The following PCDHGB1 variants were observed in gnomAD, a reference collection of about 807,000 sequenced individuals.
PCDHGB1 encodes protocadherin gamma-B1.
Under a neutral mutation model 56.6 loss-of-function variants are expected in PCDHGB1, and 34 were observed. The observed-to-expected ratio is 0.60, with a 90% CI of 0.46 to 0.80. PCDHGB1 has a LOEUF of 0.80. Among genes scored for constraint, PCDHGB1 ranks in the 30% least tolerant of loss-of-function variants. The pLI is 0.00. For missense variants in PCDHGB1, 1,278 were observed against 1,204.6 expected, an observed-to-expected ratio of 1.06 and a Z score of -0.90; for synonymous variants, 561 against 505.9, an observed-to-expected ratio of 1.11 and a Z score of -1.46.
intron 1 of PCDHGB1, chr5:141,422,676 A>C (rs1245488589): frequency 6.2e-7 from 1 of 1,606,500 alleles, no homozygotes; most frequent in Admixed American, 1.7e-5. Flanking sequence ...CGGACAGCAA[A>C]CAGAATGCCC....
At chr5:141,480,584 G>A (rs1421730652) in intron 1 of PCDHGB1, among the ~76,000 whole-genome samples, 1 of 134,606 alleles carries the variant, frequency 7.4e-6, no homozygotes, top group Non-Finnish European at 1.6e-5. Context: ...AATAACTGCC[G>A]CTCTTCTGGT....
At chr5:141,359,917 CT>C in intron 1 of PCDHGB1, 1 of 436,538 alleles carries the variant, frequency 2.3e-6, no homozygotes, top group Non-Finnish European at 4.0e-6. Context: ...GTGCAGTTTC[CT>C]GAGAAAACCT....
At chr5:141,411,881 G>T (rs1299555823) in intron 1 of PCDHGB1, 2 of 152,114 alleles carry the variant, frequency 1.3e-5, no homozygotes, top group Middle Eastern at 3.2e-3. Flanking sequence ...ACATTTCTAA[G>T]AAATAAATGA....
At chr5:141,399,196 G>A (rs201540226) in intron 1 of PCDHGB1, 2 of 1,613,938 alleles carry the variant, frequency 1.2e-6, no homozygotes, top group Non-Finnish European at 1.7e-6. Flanking sequence ...GGAAAACGCG[G>A]TGCCTGGAAC....
chr5:141,438,641 C>CAT (rs2098042490), intron 1 of PCDHGB1, among the ~76,000 whole-genome samples: 2 of 79,354 alleles, frequency 2.5e-5, no homozygotes, highest in Non-Finnish European at 4.5e-5. Context: ...TATATACACA[C>CAT]ACACACACAC....
chr5:141,392,488 T>G, intron 1 of PCDHGB1: 1 of 203,312 alleles, frequency 4.9e-6, no homozygotes, highest in Non-Finnish European at 9.8e-6. Flanking sequence ...AACAAAGTAA[T>G]AAGCAAATGA....
intron 1 of PCDHGB1, among the ~76,000 whole-genome samples, chr5:141,483,522 C>G (rs557644901): frequency 9.3e-6 from 1 of 107,172 alleles, no homozygotes; most frequent in African/African-American, 3.9e-5. Flanking sequence ...TAGATCCTGA[C>G]TAAGGAAGCT....
intron 1 of PCDHGB1, chr5:141,478,265 G>C: frequency 1.2e-6 from 2 of 1,614,196 alleles, no homozygotes; most frequent in Non-Finnish European, 1.7e-6. Flanking sequence ...CATATTCAAA[G>C]TTTACAAGTG....
In PCDHGB1 at chr5:141,497,558, TA is replaced by T. The variant is rs543126612; in HGVS notation, c.2468+2694del. 6.7e-3 allele frequency among the ~76,000 whole-genome samples: 979 copies of T among 145,038 alleles called. 16 individuals carry two copies. Among genetic ancestry groups the T allele is most frequent in the African/African-American group, 0.024 (931 of 38,872 alleles). On this transcript the variant is annotated intron_variant, in intron 2 of 3. Coordinates refer to ENST00000523390, the MANE Select transcript of PCDHGB1 (RefSeq NM_018922.3). The stretch of plus-strand genomic sequence containing the variant: ...AACAAACCTTTTTTTTTTTTTTTTT[TA>T]GACAGAGTCTTGCTCTGTTGCCCAA...
chr5:141,420,826 C>G (rs1246534925), intron 1 of PCDHGB1, among the ~76,000 whole-genome samples: 1 of 152,216 alleles, frequency 6.6e-6, no homozygotes, highest in Non-Finnish European at 1.5e-5. Flanking sequence ...AATAATTACT[C>G]CTTTCGCAGG....
chr5:141,438,615 TATATATATATATATATATATAC>T (rs1275224820), intron 1 of PCDHGB1, among the ~76,000 whole-genome samples: 95 of 35,914 alleles, frequency 2.6e-3, no homozygotes, highest in East Asian at 8.4e-3. Flanking sequence ...TATATATATA[TATATATATATATATATATATAC>T]ACACACACAC....
intron 1 of PCDHGB1, chr5:141,370,166 G>T: frequency 2.2e-6 from 1 of 458,978 alleles, no homozygotes; most frequent in East Asian, 3.2e-5. Flanking sequence ...CTGCAGCAGA[G>T]GCGCCGGGTG....
intron 1 of PCDHGB1, chr5:141,383,110 A>G (rs754398892): frequency 1.9e-6 from 3 of 1,614,020 alleles, no homozygotes; most frequent in South Asian, 1.1e-5. Flanking sequence ...CTCCAGAGGT[A>G]GGACGCAGCT....
At chr5:141,495,356 C>A (rs889897990) in intron 2 of PCDHGB1, among the ~76,000 whole-genome samples, 3 of 152,222 alleles carry the variant, frequency 2.0e-5, no homozygotes, top group Non-Finnish European at 4.4e-5. Flanking sequence ...GGCAGCACAG[C>A]TGGAGGTGGA....
At chr5:141,363,766 C>T (rs532729519) in intron 1 of PCDHGB1, among the ~76,000 whole-genome samples, 1 of 152,236 alleles carries the variant, frequency 6.6e-6, no homozygotes, top group South Asian at 2.1e-4. Context: ...TGCAAATAAG[C>T]ACGTTTTCCT....
In PCDHGB1 at chr5:141,489,950, A is replaced by C. The variant is rs1055715796; in HGVS notation, c.2410-4857A>C. 1 of 1,614,192 alleles carries C rather than the reference A, an allele frequency of 6.2e-7. No homozygotes were observed. The highest frequency in any genetic ancestry group is 1.3e-5 in the African/African-American group (1 of 75,060). ...TCTGTCATCGTGCTGGACATCAATG[A>C]TAATGCTCCAACCTTCCAATCCTCA... is the stretch of plus-strand genomic sequence containing the variant. On this transcript the variant is annotated intron_variant, in intron 1 of 3. Coordinates refer to ENST00000523390, the MANE Select transcript of PCDHGB1 (RefSeq NM_018922.3). The surrounding 1 kb of genome is among the most constrained non-coding windows in gnomAD (Gnocchi z 4.5).
chr5:141,350,803 A>G lies in PCDHGB1; in HGVS notation c.543A>G (p.Glu181=), dbSNP rs776584739. Residue 181 remains glutamate (E), a synonymous_variant, in exon 1 of 4, where the codon GAA becomes GAG. Transcript: ENST00000523390. ...AATACTTCTCTCTGTCAACGAAGGA[A>G]AGTCCTGATGGAAGTAAATATCCGG... ...PNQYFSLSTK[E]SPDGSKYPVL... is the part of the protein sequence containing the mutation. 21 of 1,613,898 alleles carry G rather than the reference A, an allele frequency of 1.3e-5. No individual in the cohort carries two copies.
chr5:141,415,161 C>T (rs1391561235), intron 1 of PCDHGB1: 1 of 1,613,864 alleles, frequency 6.2e-7, no homozygotes, highest in Admixed American at 1.7e-5. Context: ...CCGCCACTGT[C>T]ACGCTCACCG....
chr5:141,394,860 G>A, intron 1 of PCDHGB1: 1 of 1,613,792 alleles, frequency 6.2e-7, no homozygotes, highest in African/African-American at 1.3e-5. Flanking sequence ...GCCTTCGGTC[G>A]ACCCGAACGA....
Sources: gnomAD v4.1 joint callset for allele counts (sites outside exome capture counted in the v4.1 genomes callset) on GRCh38, gnomAD v4.1.1 for gene constraint, Gnocchi (gnomAD v3.1) non-coding constraint, MANE v1.5 for transcripts, NCBI Gene and HGNC (gene_info 2026-07-23, HGNC 2026-07-21) for gene names.